FAM228B: variants seen among roughly 807,000 people sequenced by gnomAD.
FAM228B encodes family with sequence similarity 228 member B.
A neutral mutation model predicts 42.6 loss-of-function variants in FAM228B; 38 were observed. That is an observed-to-expected ratio of 0.89 (90% CI 0.69 to 1.17). The LOEUF is 1.17. Among genes scored for constraint, FAM228B ranks in the 50% most tolerant of loss-of-function variants. The pLI, the probability that FAM228B is intolerant of heterozygous loss-of-function variation, is 0.00. For missense variants in FAM228B, 344 were observed against 367.3 expected, an observed-to-expected ratio of 0.94 and a Z score of 0.52; for synonymous variants, 109 against 122.3, an observed-to-expected ratio of 0.89 and a Z score of 0.72.
In FAM228B at chr2:24,161,375, C is replaced by A. The variant is rs1387286391; in HGVS notation, c.687-131C>A. The A allele has an allele frequency of 1.0e-5, 6 of 599,554 alleles. No individual in the cohort carries two copies. The East Asian group carries it at 1.8e-4, about 18-fold the overall frequency. The allele number at this position is 599,554 out of a possible 1,614,324, so 37.1% of individuals were successfully genotyped here. The stretch of plus-strand genomic sequence containing the variant: ...CTGAAGTGGGAGAGATCCCTTGAAC[C>A]CAGGAGGTTGAGGCTGCAGTGAGCT... On this transcript the variant is annotated intron_variant, in intron 7 of 10. Transcript: ENST00000615575.
chr2:24,077,366 C>G lies in FAM228B; in HGVS notation c.-290+397C>G. 1 of 496,340 alleles carries G rather than the reference C, an allele frequency of 2.0e-6. No homozygotes were observed. The highest frequency in any genetic ancestry group is 3.6e-6 in the Non-Finnish European group (1 of 281,542). The allele number at this position is 496,340 out of a possible 1,614,324, so 30.7% of individuals were successfully genotyped here. A position where few individuals can be genotyped will look rare whatever the true frequency, so the allele number is the denominator to read the frequency against. On this transcript the variant is annotated intron_variant, in intron 1 of 10. Transcript: ENST00000613899. The surrounding 1 kb of genome is among the most constrained non-coding windows in gnomAD (Gnocchi z 5.5). ...TCAGCTGATCGGGCCTCAGTAATCC[C>G]CGCTGCGACGCCCGTCCGGACTCCC...
chr2:24,146,959 G>A lies in FAM228B; in HGVS notation c.559G>A (p.Glu187Lys). 6.4e-7 allele frequency: 1 copy of A among 1,551,378 alleles called. No individual in the cohort carries two copies. ...GKIYSIKEFK[E>K]VEKVQLHSRF... ...AATATATTCAATAAAGGAATTCAAA[G>A]AAGTTGAGAAGGTTCAGCTGCATTC... is the stretch of plus-strand genomic sequence containing the variant. Residue 187 changes from glutamate to lysine, a missense_variant, in exon 7 of 11, where the codon GAA becomes AAA. Coordinates refer to ENST00000615575, the MANE Select transcript of FAM228B (RefSeq NM_001145710.2).
At chr2:24,109,789 G>A (rs371793085) in intron 3 of FAM228B, among the ~76,000 whole-genome samples, 2 of 152,344 alleles carry the variant, frequency 1.3e-5, no homozygotes, top group South Asian at 4.1e-4. Context: ...AATAATAGAT[G>A]TTGGCGAGGT....
intron 9 of FAM228B, among the ~76,000 whole-genome samples, chr2:24,166,955 G>C (rs1209870721): frequency 6.6e-6 from 1 of 152,160 alleles, no homozygotes; most frequent in Non-Finnish European, 1.5e-5. Context: ...AGTGCTGAGA[G>C]AGGGCGGGAG....
In FAM228B at chr2:24,139,377, C is replaced by A; in HGVS notation, c.368C>A (p.Ala123Glu). 6.5e-7 allele frequency: 1 copy of A among 1,535,738 alleles called. No individual in the cohort carries two copies. Among genetic ancestry groups the A allele is most frequent in the Non-Finnish European group, 8.8e-7 (1 of 1,134,510 alleles). The part of the protein sequence containing the change: ...FLKHVNKKGN[A>E]FIEHYDPKEY... ...TTTATTTCCTTGCTATAGGGAAATG[C>A]ATTTATAGAACATTATGATCCAAAA... The change falls in exon 5 of 11, where the codon GCA (alanine) becomes GAA (glutamate). Residue 123 changes from alanine (A) to glutamate (E), a missense_variant. Transcript: ENST00000615575.
chr2:24,164,870 C>T (rs1350474244), intron 9 of FAM228B, among the ~76,000 whole-genome samples: 1 of 152,078 alleles, frequency 6.6e-6, no homozygotes, highest in African/African-American at 2.4e-5. Flanking sequence ...TCACTCGGCA[C>T]CTTGTGACTC....
At chr2:24,151,613 ATT>A (rs397726084) in intron 7 of FAM228B, among the ~76,000 whole-genome samples, 2 of 137,446 alleles carry the variant, frequency 1.5e-5, no homozygotes, top group Non-Finnish European at 1.5e-5. Flanking sequence ...TTTTTTGGTG[ATT>A]TTTTTTTTTT....
At chr2:24,098,167 C>T (rs1665539396) in intron 3 of FAM228B, among the ~76,000 whole-genome samples, 1 of 152,084 alleles carries the variant, frequency 6.6e-6, no homozygotes, top group South Asian at 2.1e-4. Flanking sequence ...ACTAAACACC[C>T]ACAAGAGAAA....
rs891919111 is a variant in FAM228B, at chr2:24,142,267, A to G, written c.441+2817A>G. ...AAGGTTCATCTTGCCTCTTATTTCA[A>G]CAGTAGGGCTTGAGATGGCCCAGAG... On this transcript the variant is annotated intron_variant, in intron 5 of 10. Coordinates refer to ENST00000615575, the MANE Select transcript of FAM228B (RefSeq NM_001145710.2). Among the ~76,000 whole-genome samples the G allele has an allele frequency of 2.6e-5, 4 of 152,140 alleles. No homozygotes were observed. In the East Asian group the frequency reaches 5.8e-4, roughly 22 times the overall value.
chr2:24,076,856 A>T (rs1573711652), upstream of FAM228B: 1 of 121,700 alleles, frequency 8.2e-6, no homozygotes, highest in Non-Finnish European at 1.6e-5. Context: ...CGGGGCCCAG[A>T]TGTGTAGCGG....
chr2:24,128,973 C>T (rs983582791), intron 2 of FAM228B, among the ~76,000 whole-genome samples: 1 of 152,000 alleles, frequency 6.6e-6, no homozygotes, highest in East Asian at 1.9e-4. Context: ...ACTCCTGGGA[C>T]TGTGTGACCT....
intron 3 of FAM228B, among the ~76,000 whole-genome samples, chr2:24,099,326 C>A (rs1334306440): frequency 6.6e-6 from 1 of 152,088 alleles, no homozygotes; most frequent in African/African-American, 2.4e-5. Context: ...ATGAGGAAGT[C>A]AAATTGTCCC....
chr2:24,081,096 T>C, intron 2 of FAM228B: 1 of 1,460,130 alleles, frequency 6.8e-7, no homozygotes, highest in South Asian at 1.3e-5. Flanking sequence ...CACAGGCATA[T>C]TCTATCAAGA....
At chr2:24,139,089 T>C (rs188783344) in intron 4 of FAM228B, among the ~76,000 whole-genome samples, 91 of 152,338 alleles carry the variant, frequency 6.0e-4, no homozygotes, top group African/African-American at 2.0e-3. Flanking sequence ...ATCTGAGATG[T>C]TTGACTAGTA....
intron 2 of FAM228B, among the ~76,000 whole-genome samples, chr2:24,125,591 C>T (rs746171225): frequency 2.6e-5 from 4 of 151,356 alleles, no homozygotes; most frequent in South Asian, 2.1e-4. Context: ...TTCTTTCTTT[C>T]GCTCTATCAC....
At chr2:24,115,672 C>A in intron 3 of FAM228B, 2 of 1,541,964 alleles carry the variant, frequency 1.3e-6, no homozygotes, top group South Asian at 1.1e-5. Flanking sequence ...ACAAATGATT[C>A]ATTCATCCAT....
intron 2 of FAM228B, among the ~76,000 whole-genome samples, chr2:24,081,836 C>G (rs770586392): frequency 2.0e-5 from 3 of 151,846 alleles, no homozygotes; most frequent in Non-Finnish European, 4.4e-5. Context: ...GCTGGGACTA[C>G]AGGTGCCCAC....
At position 24,166,069 on chromosome 2, in the gene FAM228B, A is replaced by ATATATATATATATG. The variant is rs1367498989; in HGVS notation, c.933-1555_933-1554insATATATATATGTAT. 1.3e-3 allele frequency: 183 copies of ATATATATATATATG among 145,038 alleles called. 1 individual carries two copies. The highest frequency in any genetic ancestry group is 0.011 in the Middle Eastern group (3 of 272). 9.0% of individuals were successfully genotyped at this position (145,038 alleles called of 1,614,324 possible). On this transcript the variant is annotated intron_variant, in intron 9 of 10. Transcript: ENST00000615575. The stretch of plus-strand genomic sequence containing the variant: ...AAAAAAAAAAAATATATATATATAT[A>ATATATATATATATG]TATGTATGTATTCACATATATATAG...
intron 3 of FAM228B, among the ~76,000 whole-genome samples, chr2:24,118,291 G>C (rs181048493): frequency 1.9e-4 from 29 of 152,274 alleles, no homozygotes; most frequent in African/African-American, 6.7e-4. Flanking sequence ...ATCTGTTCAG[G>C]AAGGGTCCAA....
Sources: allele counts gnomAD v4.1 joint callset (sites outside exome capture counted in the v4.1 genomes callset), GRCh38; gene constraint gnomAD v4.1.1; non-coding constraint Gnocchi (gnomAD v3.1); transcripts MANE v1.5; gene names NCBI Gene and HGNC (gene_info 2026-07-23, HGNC 2026-07-21).